UNC13B: variants seen among roughly 807,000 people sequenced by gnomAD.
UNC13B encodes protein unc-13 homolog B.
A neutral mutation model predicts 211.0 loss-of-function variants in UNC13B; 144 were observed. That is an observed-to-expected ratio of 0.68 (90% CI 0.60 to 0.78). The LOEUF (loss-of-function observed/expected upper bound fraction) is 0.78. Among genes scored for constraint, UNC13B ranks in the 30% least tolerant of loss-of-function variants. The pLI is 0.00. For synonymous variants in UNC13B, 709 were observed against 725.8 expected (o/e 0.98, Z 0.37); for missense variants, 1,777 against 2,002.0 (o/e 0.89, Z 2.14).
At chr9:35,252,517 G>C (rs1465854278) in intron 6 of UNC13B, among the ~76,000 whole-genome samples, 1 of 151,572 alleles carries the variant, frequency 6.6e-6, no homozygotes, top group Non-Finnish European at 1.5e-5. Context: ...TTGTTGCCCA[G>C]GCTGGTCTCA....
intron 1 of UNC13B, among the ~76,000 whole-genome samples, chr9:35,202,645 T>C (rs1375260114): frequency 1.3e-5 from 2 of 152,192 alleles, no homozygotes; most frequent in Admixed American, 1.3e-4. Flanking sequence ...GTTTAAAGTC[T>C]GTTTTGTCAG....
chr9:35,248,795 G>GT (rs1269239693), intron 6 of UNC13B, among the ~76,000 whole-genome samples: 1 of 152,090 alleles, frequency 6.6e-6, no homozygotes, highest in Non-Finnish European at 1.5e-5. Context: ...CAATTTTAGA[G>GT]TAAGTGCGGT....
At chr9:35,382,091 A>G (rs1834884791) in intron 20 of UNC13B, among the ~76,000 whole-genome samples, 1 of 152,182 alleles carries the variant, frequency 6.6e-6, no homozygotes, top group South Asian at 2.1e-4. Context: ...GGGTTCAAAG[A>G]GAACACTAAA....
rs550120957 is a variant in UNC13B, at chr9:35,206,339, C to A, written c.23-21676C>A. Reference sequence around the variant, plus strand: ...TGTCTCTCTACTTCCAAAATTTTTTCATCATCCCAAGAAAAATACCCATAC... The same window carrying A: ...TGTCTCTCTACTTCCAAAATTTTTTAATCATCCCAAGAAAAATACCCATAC... On this transcript the variant is annotated intron_variant, in intron 1 of 39. Transcript: ENST00000635942. Among the ~76,000 whole-genome samples, 7 of 152,210 alleles carry A rather than the reference C, an allele frequency of 4.6e-5. No individual in the cohort carries two copies. In the East Asian group the frequency reaches 1.3e-3, roughly 29 times the overall value.
intron 26 of UNC13B, among the ~76,000 whole-genome samples, chr9:35,393,854 A>ATTACTGGAT (rs1835702440): frequency 6.6e-6 from 1 of 152,074 alleles, no homozygotes; most frequent in Non-Finnish European, 1.5e-5. Flanking sequence ...TACAGGTGTG[A>ATTACTGGAT]GCCAATGCAT....
At chr9:35,376,329 C>A in intron 15 of UNC13B, 82 bp downstream of exon 15, 2 of 1,371,462 alleles carry the variant, frequency 1.5e-6, no homozygotes, top group Non-Finnish European at 2.0e-6. Flanking sequence ...GCTGGGATGG[C>A]TGAACCAATC....
At chr9:35,385,955 G>A (rs1835161442) in intron 23 of UNC13B, 142 bp downstream of exon 23, 1 of 1,391,524 alleles carries the variant, frequency 7.2e-7, no homozygotes, top group African/African-American at 1.4e-5. Flanking sequence ...TGTTCCCTGG[G>A]TTACTTCTGA....
chr9:35,209,289 C>T (rs1295565139), intron 1 of UNC13B, among the ~76,000 whole-genome samples: 1 of 152,154 alleles, frequency 6.6e-6, no homozygotes, highest in African/African-American at 2.4e-5. Context: ...GTCTTGATCT[C>T]CTGACCTCAA....
Position 35,162,176 on chromosome 9 carries a change from C to T in UNC13B, c.-108C>T, listed in dbSNP as rs1820811715. The T allele has an allele frequency of 1.3e-6, 2 of 1,499,382 alleles. No homozygotes were observed. Among genetic ancestry groups the T allele is most frequent in the Non-Finnish European group, 1.8e-6 (2 of 1,112,506 alleles). 92.9% of individuals were successfully genotyped at this position (1,499,382 alleles called of 1,614,324 possible). On this transcript the variant is annotated 5_prime_UTR_variant, in exon 1 of 40. Transcript: ENST00000635942. ...CTGCGACCGGGACCATGAGGAGCTGCCAGACCCGTGGGGCCGGTAACGAGA... is the reference window on the plus strand; with the variant it reads ...CTGCGACCGGGACCATGAGGAGCTGTCAGACCCGTGGGGCCGGTAACGAGA...
intron 1 of UNC13B, among the ~76,000 whole-genome samples, chr9:35,181,704 G>T (rs376020370): frequency 1.3e-5 from 2 of 152,108 alleles, no homozygotes; most frequent in Non-Finnish European, 2.9e-5. Context: ...TGGCATGGTG[G>T]TGCGGGCCTG....
intron 11 of UNC13B, chr9:35,353,918 G>A (rs1832874222): frequency 1.1e-5 from 7 of 634,348 alleles, no homozygotes; most frequent in South Asian, 8.6e-5. Context: ...GTTGGTTGAC[G>A]TCCATAGCTT....
rs1832705468 is a variant in UNC13B, at chr9:35,351,323, G to A, written c.9415-15624G>A. 8 of 1,220,026 alleles carry A rather than the reference G, an allele frequency of 6.6e-6. No individual in the cohort carries two copies. In the Admixed American group the frequency reaches 3.4e-4, roughly 52 times the overall value. The allele number at this position is 1,220,026 out of a possible 1,614,324, so 75.6% of individuals were successfully genotyped here. A position where few individuals can be genotyped will look rare whatever the true frequency, so the allele number is the denominator to read the frequency against. On this transcript the variant is annotated intron_variant, in intron 11 of 39. Transcript: ENST00000635942. ...AGGATAAATCAAGCCAGGATCCAGG[G>A]GCATGTGCGAGGTTTGGAGGCCACA... is the stretch of plus-strand genomic sequence containing the variant.
At chr9:35,256,465 A>G (rs1317241957) in intron 6 of UNC13B, among the ~76,000 whole-genome samples, 2 of 152,176 alleles carry the variant, frequency 1.3e-5, no homozygotes, top group East Asian at 1.9e-4. Flanking sequence ...GCTGTTTGCC[A>G]TGGATTTTGG....
chr9:35,301,961 C>A lies in UNC13B; in HGVS notation c.2557C>A (p.His853Asn). The change falls in exon 9 of 40, where the codon CAT becomes AAT. Residue 853 changes from histidine to asparagine, a missense_variant. His to Asn is a moderately conservative substitution (Grantham distance 68). Coordinates refer to ENST00000635942, the MANE Select transcript of UNC13B (RefSeq NM_001371189.2). ...AGAAAGGGGCTCTAAGAAAGATGGT[C>A]ATTCCTTTTCCTTTAGTGGAAAACT... The part of the protein sequence containing the change: ...GLERGSKKDG[H>N]SFSFSGKLNL... 3 of 398,686 alleles carry A rather than the reference C, an allele frequency of 7.5e-6. No individual in the cohort carries two copies. The South Asian group carries it at 3.8e-4, about 51-fold the overall frequency. The allele number at this position is 398,686 out of a possible 1,614,324, so 24.7% of individuals were successfully genotyped here.
intron 1 of UNC13B, among the ~76,000 whole-genome samples, chr9:35,220,128 T>C (rs1338804406): frequency 6.6e-6 from 1 of 151,972 alleles, no homozygotes; most frequent in Non-Finnish European, 1.5e-5. Context: ...TTTTATTTGT[T>C]CCCCTTATTT....
At chr9:35,371,730 T>C (rs1834138761) in intron 13 of UNC13B, among the ~76,000 whole-genome samples, 1 of 152,192 alleles carries the variant, frequency 6.6e-6, no homozygotes, top group Admixed American at 6.5e-5. Context: ...GGCATAATAC[T>C]CCTTAGAGTA....
chr9:35,206,283 T>G (rs982406134), intron 1 of UNC13B, among the ~76,000 whole-genome samples: 3 of 152,226 alleles, frequency 2.0e-5, no homozygotes, highest in African/African-American at 7.2e-5. Context: ...TCAGTGGCTT[T>G]TAGTATGTTC....
chr9:35,163,033 T>C (rs1405181624), intron 1 of UNC13B, among the ~76,000 whole-genome samples: 1 of 152,158 alleles, frequency 6.6e-6, no homozygotes, highest in African/African-American at 2.4e-5. Flanking sequence ...TCTATGTGGG[T>C]AGAGACTGTT....
chr9:35,316,909 A>G (rs561786184), intron 11 of UNC13B, among the ~76,000 whole-genome samples: 1 of 152,294 alleles, frequency 6.6e-6, no homozygotes, highest in Non-Finnish European at 1.5e-5. Flanking sequence ...TTTAGGAAAC[A>G]ATTAGGCACA....
Sources: allele counts gnomAD v4.1 joint callset (sites outside exome capture counted in the v4.1 genomes callset), GRCh38; gene constraint gnomAD v4.1.1; transcripts MANE v1.5; gene names NCBI Gene and HGNC (gene_info 2026-07-23, HGNC 2026-07-21).